SH3RF3: variants seen among roughly 807,000 people sequenced by gnomAD.
The protein encoded by SH3RF3 is E3 ubiquitin-protein ligase SH3RF3.
SH3RF3 carries 29 observed loss-of-function variants against 66.3 expected under a neutral mutation model. That is an observed-to-expected ratio of 0.44 (90% CI 0.33 to 0.60). SH3RF3 has a LOEUF of 0.60. Among genes scored for constraint, SH3RF3 ranks in the 20% least tolerant of loss-of-function variants. SH3RF3 has a pLI of 0.04. For missense variants in SH3RF3, 1,194 were observed against 1,190.9 expected (o/e 1.00, Z -0.04); for synonymous variants, 583 against 532.0 (o/e 1.10, Z -1.32).
chr2:109,189,982 A>G (rs1356624432), intron 1 of SH3RF3, among the ~76,000 whole-genome samples: 1 of 152,228 alleles, frequency 6.6e-6, no homozygotes, highest in Non-Finnish European at 1.5e-5. Context: ...TTTCTCTAAC[A>G]GATCTGCTCG....
intron 1 of SH3RF3, among the ~76,000 whole-genome samples, chr2:109,319,140 T>C (rs1441686073): frequency 1.3e-5 from 2 of 152,152 alleles, no homozygotes; most frequent in African/African-American, 4.8e-5. Context: ...TCTGCCTAGA[T>C]GGGGGCATGG....
At position 109,501,768 on chromosome 2, in the gene SH3RF3, G is replaced by C; in HGVS notation, c.*97G>C. On this transcript the variant is annotated 3_prime_UTR_variant, in exon 10 of 10. Coordinates refer to ENST00000309415, the MANE Select transcript of SH3RF3 (RefSeq NM_001099289.3). ...GAGCCATGGCGCCCCAAGGGTTCCA[G>C]GTCATCTCCAAGGCACCTGGCGGGG... The C allele has an allele frequency of 1.5e-6, 1 of 650,418 alleles. No individual in the cohort carries two copies. 40.3% of individuals were successfully genotyped at this position (650,418 alleles called of 1,614,324 possible).
intron 2 of SH3RF3, among the ~76,000 whole-genome samples, chr2:109,364,030 T>C (rs1683105967): frequency 6.6e-6 from 1 of 152,196 alleles, no homozygotes; most frequent in South Asian, 2.1e-4. Context: ...TCTCAGTTAT[T>C]ATTGTTTCAA....
At chr2:109,371,241 T>C (rs1051394827) in intron 2 of SH3RF3, among the ~76,000 whole-genome samples, 4 of 152,122 alleles carry the variant, frequency 2.6e-5, no homozygotes, top group Non-Finnish European at 4.4e-5. Context: ...AATACAAAAA[T>C]TAGCTGGGTG....
chr2:109,370,200 T>TCTGTCC (rs1683237544), intron 2 of SH3RF3, among the ~76,000 whole-genome samples: 1 of 144,356 alleles, frequency 6.9e-6, no homozygotes, highest in Admixed American at 6.7e-5. Flanking sequence ...GGTCTCTGTC[T>TCTGTCC]CTGTCTCTGT....
intron 1 of SH3RF3, among the ~76,000 whole-genome samples, chr2:109,254,381 T>G (rs138104121): frequency 6.6e-6 from 1 of 152,252 alleles, no homozygotes; most frequent in East Asian, 1.9e-4. Flanking sequence ...TTTCCCCATC[T>G]GTAAAATGGG....
intron 1 of SH3RF3, among the ~76,000 whole-genome samples, chr2:109,338,263 G>A (rs945776032): frequency 7.2e-5 from 11 of 152,074 alleles, no homozygotes; most frequent in Admixed American, 1.3e-4. Flanking sequence ...TACTTAGCAC[G>A]CTTGTTTTGC....
chr2:109,381,545 C>T (rs1211575654), intron 3 of SH3RF3, among the ~76,000 whole-genome samples: 1 of 152,098 alleles, frequency 6.6e-6, no homozygotes, highest in Non-Finnish European at 1.5e-5. Context: ...TGCCCTGACT[C>T]AGCTTCCAGT....
intron 8 of SH3RF3, among the ~76,000 whole-genome samples, chr2:109,489,328 C>T (rs1052450925): frequency 3.3e-5 from 5 of 152,204 alleles, no homozygotes; most frequent in African/African-American, 9.6e-5. Context: ...GCCACAGGCC[C>T]CCAGACCCTG....
intron 4 of SH3RF3, among the ~76,000 whole-genome samples, chr2:109,412,248 T>C (rs1442132015): frequency 6.6e-6 from 1 of 152,246 alleles, no homozygotes. Context: ...CCTTGGTCTC[T>C]CCTGGCCAAA....
intron 7 of SH3RF3, 46 bp from the exon 8 acceptor site, chr2:109,449,124 T>C: frequency 6.3e-7 from 1 of 1,584,550 alleles, no homozygotes; most frequent in Non-Finnish European, 8.6e-7. Flanking sequence ...CATGGCAAGT[T>C]GCAAACTAAC....
At chr2:109,136,218 A>G (rs1419994946) in intron 1 of SH3RF3, among the ~76,000 whole-genome samples, 1 of 150,480 alleles carries the variant, frequency 6.6e-6, no homozygotes, top group African/African-American at 2.5e-5. Context: ...ATCTTTTTTG[A>G]GGTGCATTAA....
intron 5 of SH3RF3, among the ~76,000 whole-genome samples, chr2:109,422,534 A>G (rs994968033): frequency 7.2e-5 from 11 of 152,116 alleles, no homozygotes; most frequent in Admixed American, 5.2e-4. Context: ...CAGTTTGCTC[A>G]CCCAGTGCAT....
At chr2:109,241,193 A>G (rs1015682980) in intron 1 of SH3RF3, among the ~76,000 whole-genome samples, 33 of 152,192 alleles carry the variant, frequency 2.2e-4, no homozygotes, top group African/African-American at 7.5e-4. Context: ...CATACCTCAA[A>G]ACAAAAACTC....
intron 4 of SH3RF3, among the ~76,000 whole-genome samples, chr2:109,413,463 A>C (rs906332412): frequency 6.6e-6 from 1 of 152,098 alleles, no homozygotes; most frequent in Non-Finnish European, 1.5e-5. Context: ...CCGGGGCTAC[A>C]GGCTTTTTTT....
intron 1 of SH3RF3, among the ~76,000 whole-genome samples, chr2:109,135,710 C>T (rs1676799952): frequency 6.6e-6 from 1 of 152,074 alleles, no homozygotes. Flanking sequence ...CATGCTTTGC[C>T]TCTAGATTCA....
At chr2:109,141,075 A>G (rs945760535) in intron 1 of SH3RF3, among the ~76,000 whole-genome samples, 5 of 152,154 alleles carry the variant, frequency 3.3e-5, no homozygotes, top group African/African-American at 1.2e-4. Flanking sequence ...GATCAATGCT[A>G]TGCTGGGACC....
chr2:109,208,380 C>T (rs1678890902), intron 1 of SH3RF3, among the ~76,000 whole-genome samples: 1 of 152,216 alleles, frequency 6.6e-6, no homozygotes, highest in South Asian at 2.1e-4. Flanking sequence ...GCTCGGTCTT[C>T]AGGGATGGGC....
At chr2:109,279,734 C>T (rs987639398) in intron 1 of SH3RF3, among the ~76,000 whole-genome samples, 3 of 137,144 alleles carry the variant, frequency 2.2e-5, no homozygotes, top group Non-Finnish European at 3.1e-5. Context: ...AAATTCAGTA[C>T]GCTTGGGAGC....
Sources: allele counts gnomAD v4.1 joint callset (sites outside exome capture counted in the v4.1 genomes callset), GRCh38; gene constraint gnomAD v4.1.1; transcripts MANE v1.5; gene names NCBI Gene and HGNC (gene_info 2026-07-23, HGNC 2026-07-21).